Variants in RGMA observed in about 807,000 individuals in gnomAD.
RGMA encodes repulsive guidance molecule BMP co-receptor a.
RGMA carries 10 observed loss-of-function variants against 23.2 expected under a neutral mutation model. The observed-to-expected ratio is 0.43, with a 90% CI of 0.27 to 0.73. RGMA has a LOEUF of 0.73. Among genes scored for constraint, RGMA ranks in the 30% least tolerant of loss-of-function variants. The probability of loss-of-function intolerance (pLI) is 0.20; values close to 1 mark genes in which losing one functional copy is unlikely to be tolerated. For missense variants in RGMA, 547 were observed against 630.5 expected (o/e 0.87, Z 1.42); for synonymous variants, 308 against 279.3 (o/e 1.10, Z -1.03).
In RGMA at chr15:93,037,702, G is replaced by A. The variant is rs2054676199; in HGVS notation, c.*7296C>T. 1 of 152,170 alleles carries A rather than the reference G, an allele frequency of 6.6e-6. No individual in the cohort carries two copies. The highest frequency in any genetic ancestry group is 2.4e-5 in the African/African-American group (1 of 41,390). 9.4% of individuals were successfully genotyped at this position (152,170 alleles called of 1,614,324 possible). ...TCTGAACACGTCTTTGTTCTTCTCTGGGCAGATCTGCTTGGCCAGACACAT... is the reference window on the plus strand; with the variant it reads ...TCTGAACACGTCTTTGTTCTTCTCTAGGCAGATCTGCTTGGCCAGACACAT... On this transcript the variant is annotated 3_prime_UTR_variant, in exon 4 of 4. Transcript: ENST00000329082. This position sits in a 1 kb window ranked among gnomAD's most constrained non-coding sequence, Gnocchi z 4.3.
intron 2 of RGMA, among the ~76,000 whole-genome samples, chr15:93,072,364 T>C (rs563495175): frequency 3.7e-4 from 57 of 152,340 alleles, no homozygotes; most frequent in African/African-American, 1.3e-3. Context: ...CGCAGAAAGT[T>C]ATCAAACAGG....
intron 1 of RGMA, among the ~76,000 whole-genome samples, chr15:93,083,536 C>A (rs1472639958): frequency 6.6e-6 from 1 of 152,108 alleles, no homozygotes; most frequent in Non-Finnish European, 1.5e-5. Context: ...ACCATGTTGG[C>A]CAGGCTGGTC....
intron 2 of RGMA, among the ~76,000 whole-genome samples, chr15:93,058,344 G>A (rs114708433): frequency 0.012 from 1,789 of 152,292 alleles, 15 homozygotes; most frequent in African/African-American, 0.016. Flanking sequence ...GTGACTGTGG[G>A]CAAATTCACT....
chr15:93,074,103 CCT>C (rs1170879856), intron 1 of RGMA: 5 of 954,478 alleles, frequency 5.2e-6, no homozygotes, highest in African/African-American at 3.4e-5. Context: ...GGTAACTTCC[CCT>C]GAGAGACATC....
At chr15:93,067,517 C>T (rs1029301764) in intron 2 of RGMA, among the ~76,000 whole-genome samples, 12 of 152,182 alleles carry the variant, frequency 7.9e-5, no homozygotes, top group Non-Finnish European at 1.6e-4. Flanking sequence ...CAGCAGGTGG[C>T]TCAGTTGTCA....
Position 93,052,228 on chromosome 15 carries a change from T to A in RGMA, c.410A>T (p.Glu137Val). 6.2e-7 allele frequency: 1 copy of A among 1,608,156 alleles called. No individual in the cohort carries two copies. Among genetic ancestry groups the A allele is most frequent in the South Asian group, 1.1e-5 (1 of 91,016 alleles). The change falls in exon 3 of 4, where the codon GAG becomes GTG. Residue 137 changes from glutamate (E) to valine (V), a missense_variant. Coordinates refer to ENST00000329082, the MANE Select transcript of RGMA (RefSeq NM_020211.3). ...GCAGATCTCGGGGCTGTCCGAGCGC[T>A]CCTGGCTGTCTCCGGCCGGTGGGAG... Reference protein sequence around the residue: ...RTLPPAGDSQERSDSPEICHY... With the variant: ...RTLPPAGDSQVRSDSPEICHY...
intron 2 of RGMA, among the ~76,000 whole-genome samples, chr15:93,069,779 GACC>G (rs993389809): frequency 1.3e-5 from 2 of 152,198 alleles, no homozygotes; most frequent in Non-Finnish European, 2.9e-5. Context: ...CTGGTCCAGG[GACC>G]ACACTTGGAG....
intron 2 of RGMA, among the ~76,000 whole-genome samples, chr15:93,069,229 C>T (rs1013254298): frequency 9.9e-5 from 15 of 152,166 alleles, no homozygotes; most frequent in African/African-American, 3.6e-4. Flanking sequence ...CCTGCCTCAG[C>T]CTCCCGAGTA....
intron 3 of RGMA, among the ~76,000 whole-genome samples, chr15:93,050,429 C>G (rs1215085257): frequency 6.6e-6 from 1 of 152,230 alleles, no homozygotes; most frequent in East Asian, 1.9e-4. Flanking sequence ...CTGTCACTGT[C>G]TGGCCTCCAG....
intron 2 of RGMA, among the ~76,000 whole-genome samples, chr15:93,059,822 C>T (rs776187007): frequency 6.6e-6 from 1 of 152,144 alleles, no homozygotes; most frequent in African/African-American, 2.4e-5. Context: ...TCAGAGAGGC[C>T]GATTTTTATG....
At chr15:93,073,382 G>A (rs988988097) in intron 1 of RGMA, among the ~76,000 whole-genome samples, 1 of 152,036 alleles carries the variant, frequency 6.6e-6, no homozygotes, top group African/African-American at 2.4e-5. Flanking sequence ...CCCTAGATCA[G>A]AGGGCGCGCC....
At chr15:93,064,289 C>T (rs1475216561) in intron 2 of RGMA, among the ~76,000 whole-genome samples, 3 of 152,218 alleles carry the variant, frequency 2.0e-5, no homozygotes, top group African/African-American at 7.2e-5. Context: ...CCGAGTTCCA[C>T]AAGATAGGTG....
chr15:93,050,061 G>A (rs190931121), intron 3 of RGMA, among the ~76,000 whole-genome samples: 66 of 152,208 alleles, frequency 4.3e-4, no homozygotes, highest in Non-Finnish European at 9.3e-4. Context: ...CTTCAGGGGC[G>A]AGCTTGGTGG....
At chr15:93,063,361 C>A (rs896350655) in intron 2 of RGMA, among the ~76,000 whole-genome samples, 4 of 152,234 alleles carry the variant, frequency 2.6e-5, no homozygotes, top group African/African-American at 9.6e-5. Flanking sequence ...ACTCACGCTG[C>A]CACCCCTCCC....
chr15:93,045,083 C>G lies in RGMA; in HGVS notation c.1268G>C (p.Arg423Thr). 2.5e-6 allele frequency: 4 copies of G among 1,576,212 alleles called. No individual in the cohort carries two copies. The highest frequency in any genetic ancestry group is 3.4e-6 in the Non-Finnish European group (4 of 1,161,314). ...LYERTRDLPG[R>T]AAAGLPLAPR... is the part of the protein sequence containing the mutation. ...GGCCAGGGGCAGCCCCGCAGCCGCC[C>G]TGCCTGGCAGGTCCCGAGTCCTCTC... Residue 423 changes from arginine to threonine, a missense_variant, in exon 4 of 4, where the codon AGG becomes ACG. By Grantham distance (71) the Arg-to-Thr change is moderately conservative. Coordinates refer to ENST00000329082, the MANE Select transcript of RGMA (RefSeq NM_020211.3). The surrounding 1 kb of genome is among the most constrained non-coding windows in gnomAD (Gnocchi z 6.9).
chr15:93,075,637 T>A (rs1895460976), intron 1 of RGMA, among the ~76,000 whole-genome samples: 1 of 152,152 alleles, frequency 6.6e-6, no homozygotes, highest in East Asian at 1.9e-4. Flanking sequence ...AGTTTCTTCA[T>A]CTGTAAGGAT....
intron 3 of RGMA, among the ~76,000 whole-genome samples, chr15:93,046,462 G>T (rs1193182271): frequency 6.6e-6 from 1 of 152,094 alleles, no homozygotes; most frequent in East Asian, 1.9e-4. Flanking sequence ...ATTTCTGTTG[G>T]TTTGAACCAC....
At chr15:93,085,598 C>A (rs1466119446) in intron 1 of RGMA, among the ~76,000 whole-genome samples, 1 of 152,232 alleles carries the variant, frequency 6.6e-6, no homozygotes, top group Non-Finnish European at 1.5e-5. Context: ...TGGATATAAT[C>A]ATTTCGTAAG....
At chr15:93,066,566 G>A (rs565780172) in intron 2 of RGMA, 177 of 472,066 alleles carry the variant, frequency 3.7e-4, no homozygotes, top group South Asian at 2.7e-3. Context: ...GCTTCCCTGC[G>A]GGCACTGGTA....
Sources: allele counts gnomAD v4.1 joint callset (sites outside exome capture counted in the v4.1 genomes callset), GRCh38; gene constraint gnomAD v4.1.1; non-coding constraint Gnocchi (gnomAD v3.1); transcripts MANE v1.5; gene names NCBI Gene and HGNC (gene_info 2026-07-23, HGNC 2026-07-21).